The following AGMO variants were observed in gnomAD, a reference collection of about 807,000 sequenced individuals.
The protein encoded by AGMO is alkylglycerol monooxygenase, also known as glyceryl-ether monooxygenase.
In AGMO, 75 loss-of-function variants were observed where a neutral mutation model predicts 60.2. The ratio of observed to expected loss-of-function variants is 1.25; its 90% CI spans 1.03 to 1.51. The LOEUF (loss-of-function observed/expected upper bound fraction) is 1.51, where lower values mean the gene tolerates loss of function less well. AGMO is among the 40% of genes most tolerant of loss of function. The pLI, the probability that AGMO is intolerant of heterozygous loss-of-function variation, is 0.00. For missense variants in AGMO, 763 were observed against 525.5 expected, an observed-to-expected ratio of 1.45 and a Z score of -4.42; for synonymous variants, 261 against 177.1, an observed-to-expected ratio of 1.47 and a Z score of -3.76.
chr7:15,426,610 G>A (rs60768255), intron 4 of AGMO, among the ~76,000 whole-genome samples: 3,464 of 152,090 alleles, frequency 0.023, 128 homozygotes, highest in African/African-American at 0.079. Context: ...TTAGCTGGGC[G>A]TGGTGGTGCC....
chr7:15,440,944 C>T (rs556421494), intron 3 of AGMO, among the ~76,000 whole-genome samples: 1 of 152,322 alleles, frequency 6.6e-6, no homozygotes, highest in South Asian at 2.1e-4. Context: ...TTGTGTGCTG[C>T]TAATGGCCAA....
Position 15,329,610 on chromosome 7 carries a change from T to G in AGMO, c.1263+35904A>C, listed in dbSNP as rs148262969. On this transcript the variant is annotated intron_variant, in intron 12 of 12. Transcript: ENST00000342526. ...ACAAGCAGGTGCCATTTTCATATAG[T>G]TAACATTTACTGATACTAAAGGCGT... 3.2e-3 allele frequency among the ~76,000 whole-genome samples: 480 copies of G among 152,340 alleles called. 1 individual carries two copies. The highest frequency in any genetic ancestry group is 5.2e-3 in the Admixed American group (80 of 15,298).
At chr7:15,142,968 G>C in the AGMO span, among the ~76,000 whole-genome samples, 1 of 152,180 alleles carries the variant, frequency 6.6e-6, no homozygotes, top group Non-Finnish European at 1.5e-5. Flanking sequence ...GAAGCAAAGA[G>C]TTTAAATCAT....
intron 3 of AGMO, among the ~76,000 whole-genome samples, chr7:15,480,869 A>T (rs1477598325): frequency 6.7e-6 from 1 of 150,162 alleles, no homozygotes; most frequent in Non-Finnish European, 1.5e-5. Context: ...TGTTTTGGCC[A>T]TGGTGAGTCA....
downstream of AGMO, among the ~76,000 whole-genome samples, chr7:15,198,538 AAT>A (rs1413230427): frequency 2.6e-5 from 4 of 152,152 alleles, no homozygotes; most frequent in Admixed American, 2.0e-4. Flanking sequence ...GGGAAATTGT[AAT>A]AGAGAAAGAG....
At chr7:15,149,065 T>G in the AGMO span, among the ~76,000 whole-genome samples, 1 of 152,214 alleles carries the variant, frequency 6.6e-6, no homozygotes, top group Non-Finnish European at 1.5e-5. Context: ...ATTTCCCTAA[T>G]GATTAGTGAT....
chr7:15,191,261 G>A, the AGMO span, among the ~76,000 whole-genome samples: 4 of 152,104 alleles, frequency 2.6e-5, no homozygotes, highest in South Asian at 4.1e-4. Flanking sequence ...AAGTAGAAAC[G>A]CTACCAAGTA....
intron 3 of AGMO, among the ~76,000 whole-genome samples, chr7:15,450,908 T>C (rs1200230443): frequency 6.6e-6 from 1 of 152,110 alleles, no homozygotes; most frequent in East Asian, 1.9e-4. Context: ...GGCAATACTT[T>C]GGATGGGGCA....
At chr7:15,547,484 G>A (rs2115287624) in intron 2 of AGMO, among the ~76,000 whole-genome samples, 1 of 152,198 alleles carries the variant, frequency 6.6e-6, no homozygotes, top group East Asian at 1.9e-4. Flanking sequence ...CCGAAGCAGG[G>A]CAAGGCATTG....
intron 10 of AGMO, among the ~76,000 whole-genome samples, chr7:15,380,869 A>G (rs1435344684): frequency 6.6e-6 from 1 of 152,180 alleles, no homozygotes; most frequent in Admixed American, 6.6e-5. Flanking sequence ...GAACTCAGAA[A>G]TAACACTGCA....
chr7:15,329,648 C>T (rs888779702), intron 12 of AGMO, among the ~76,000 whole-genome samples: 1 of 152,140 alleles, frequency 6.6e-6, no homozygotes, highest in South Asian at 2.1e-4. Flanking sequence ...CTTAATTACA[C>T]CTATGTTATT....
intron 3 of AGMO, among the ~76,000 whole-genome samples, chr7:15,477,309 T>A (rs1038275627): frequency 3.3e-5 from 5 of 152,044 alleles, no homozygotes; most frequent in African/African-American, 9.7e-5. Context: ...ACTGAAACAG[T>A]TAACTAAAAT....
At chr7:15,142,247 T>C in the AGMO span, among the ~76,000 whole-genome samples, 1 of 152,228 alleles carries the variant, frequency 6.6e-6, no homozygotes, top group South Asian at 2.1e-4. Flanking sequence ...TCTAAGCCTC[T>C]ATCCCACAGG....
intron 4 of AGMO, among the ~76,000 whole-genome samples, chr7:15,427,179 T>G (rs2128497039): frequency 6.6e-6 from 1 of 152,344 alleles, no homozygotes; most frequent in Admixed American, 6.5e-5. Flanking sequence ...CAATGTCTAC[T>G]GTTGATGGCT....
At chr7:15,461,786 A>G (rs1184810427) in intron 3 of AGMO, among the ~76,000 whole-genome samples, 5 of 152,124 alleles carry the variant, frequency 3.3e-5, no homozygotes, top group Non-Finnish European at 7.4e-5. Flanking sequence ...ACATATTTAC[A>G]CATGTATATA....
rs562675422 is a variant in AGMO at position 15,451,463 on chromosome 7, T to C, written c.410-20355A>G. Among the ~76,000 whole-genome samples the C allele has an allele frequency of 3.9e-5, 6 of 152,256 alleles. No individual in the cohort carries two copies. The Middle Eastern group carries it at 0.01, about 259-fold the overall frequency. On this transcript the variant is annotated intron_variant, in intron 3 of 12. Transcript: ENST00000342526. The stretch of plus-strand genomic sequence containing the variant: ...ATGGAAATGTATTGCTCACAGCTCT[T>C]GAGGCTGGGAATTCTAAGATGAAGT...
At chr7:15,270,157 T>C (rs921828987) in intron 12 of AGMO, among the ~76,000 whole-genome samples, 2 of 152,098 alleles carry the variant, frequency 1.3e-5, no homozygotes, top group African/African-American at 4.8e-5. Context: ...CAAATGGTAG[T>C]TCTATTTTTA....
the AGMO span, among the ~76,000 whole-genome samples, chr7:15,155,963 T>A: frequency 6.6e-6 from 1 of 152,178 alleles, no homozygotes; most frequent in Non-Finnish European, 1.5e-5. Context: ...TAACCAGGAC[T>A]CTGTCTTTGT....
intron 10 of AGMO, among the ~76,000 whole-genome samples, chr7:15,379,419 CAAG>C (rs1299205924): frequency 2.6e-5 from 4 of 151,916 alleles, no homozygotes; most frequent in African/African-American, 9.7e-5. Context: ...GTATCAAAAA[CAAG>C]GAGGTTATTA....
Sources: gnomAD v4.1 joint callset for allele counts (sites outside exome capture counted in the v4.1 genomes callset) on GRCh38, gnomAD v4.1.1 for gene constraint, MANE v1.5 for transcripts, NCBI Gene and HGNC (gene_info 2026-07-23, HGNC 2026-07-21) for gene names.